TAS2R1: variants seen among roughly 807,000 people sequenced by gnomAD.
The protein encoded by TAS2R1 is taste receptor type 2 member 1.
For missense variants in TAS2R1, 370 were observed against 353.4 expected (o/e 1.05, Z -0.38); for synonymous variants, 141 against 134.2 (o/e 1.05, Z -0.35).
At chr5:9,744,252 A>T in the TAS2R1 span, among the ~76,000 whole-genome samples, 2 of 152,190 alleles carry the variant, frequency 1.3e-5, no homozygotes, top group East Asian at 3.8e-4. Context: ...TTGTTTGTGT[A>T]TACATTTGGA....
chr5:9,707,153 A>C lies in TAS2R1; in HGVS notation c.-242+5019T>G, dbSNP rs576417265. ...CTTAGGCAGAGACAAAATACCCAAA[A>C]CCTCAACAGGAGATGGATTTTTCTG... On this transcript the variant is annotated intron_variant, in intron 1 of 2. Coordinates refer to the TAS2R1 transcript ENST00000506620. Among the ~76,000 whole-genome samples the C allele has an allele frequency of 2.4e-3, 364 of 152,198 alleles. 3 individuals are homozygous for C. Among genetic ancestry groups the C allele is most frequent in the African/African-American group, 8.4e-3 (347 of 41,528 alleles).
the TAS2R1 span, among the ~76,000 whole-genome samples, chr5:9,838,421 C>A: frequency 3.3e-5 from 5 of 152,182 alleles, no homozygotes; most frequent in Admixed American, 3.3e-4. Context: ...GACACCCAAT[C>A]TGAACATCTG....
chr5:9,898,762 A>T, the TAS2R1 span, among the ~76,000 whole-genome samples: 2 of 152,340 alleles, frequency 1.3e-5, no homozygotes, highest in Admixed American at 6.5e-5. Context: ...GAGAACATGT[A>T]GCAGCTGGGC....
At chr5:9,637,544 T>A (rs1290338515) in intron 2 of TAS2R1, among the ~76,000 whole-genome samples, 1 of 152,194 alleles carries the variant, frequency 6.6e-6, no homozygotes, top group African/African-American at 2.4e-5. Flanking sequence ...AGATATCTCT[T>A]CTTCCTCAGA....
the TAS2R1 span, among the ~76,000 whole-genome samples, chr5:9,898,478 G>A: frequency 3.3e-5 from 5 of 152,184 alleles, no homozygotes; most frequent in African/African-American, 9.7e-5. Context: ...CTCTAGTTAT[G>A]AGAAAGAACA....
the TAS2R1 span, among the ~76,000 whole-genome samples, chr5:9,773,360 G>C: frequency 6.6e-6 from 1 of 151,960 alleles, no homozygotes; most frequent in Admixed American, 6.5e-5. Flanking sequence ...TACACTTACT[G>C]TATGTAACGT....
At chr5:9,677,095 G>T (rs1230265986) in intron 1 of TAS2R1, among the ~76,000 whole-genome samples, 2 of 152,202 alleles carry the variant, frequency 1.3e-5, no homozygotes, top group Non-Finnish European at 2.9e-5. Flanking sequence ...ATGAGATCAT[G>T]TACTTTGTGG....
At chr5:9,776,284 A>T in the TAS2R1 span, among the ~76,000 whole-genome samples, 1 of 152,144 alleles carries the variant, frequency 6.6e-6, no homozygotes, top group Non-Finnish European at 1.5e-5. Flanking sequence ...AAGTGCATGG[A>T]TTCTCTCTCC....
At chr5:9,727,828 A>G in the TAS2R1 span, among the ~76,000 whole-genome samples, 1 of 152,212 alleles carries the variant, frequency 6.6e-6, no homozygotes, top group Non-Finnish European at 1.5e-5. Context: ...CCAGGGCCCC[A>G]GTGAGGTGCA....
At chr5:9,738,658 C>T in the TAS2R1 span, among the ~76,000 whole-genome samples, 2 of 152,112 alleles carry the variant, frequency 1.3e-5, no homozygotes, top group Admixed American at 6.5e-5. Flanking sequence ...ATTCATGCTA[C>T]GGTAGTGATG....
At chr5:9,900,782 G>A in the TAS2R1 span, among the ~76,000 whole-genome samples, 32 of 151,938 alleles carry the variant, frequency 2.1e-4, no homozygotes, top group Admixed American at 5.9e-4. Flanking sequence ...CACCATGCCC[G>A]GCTAATTTTT....
chr5:9,635,594 ATTT>A (rs541071696), intron 2 of TAS2R1, among the ~76,000 whole-genome samples: 19 of 141,960 alleles, frequency 1.3e-4, no homozygotes, highest in Admixed American at 5.6e-4. Context: ...TTTTGTTGTG[ATTT>A]TTTTTTTTTA....
At chr5:9,634,844 TG>T (rs762341175), upstream of TAS2R1, among the ~76,000 whole-genome samples, 1 of 152,034 alleles carries the variant, frequency 6.6e-6, no homozygotes, top group Non-Finnish European at 1.5e-5. Context: ...GGAGCTTTTT[TG>T]ATATGTCTTT....
chr5:9,744,696 C>G, the TAS2R1 span, among the ~76,000 whole-genome samples: 1 of 152,114 alleles, frequency 6.6e-6, no homozygotes, highest in Non-Finnish European at 1.5e-5. Flanking sequence ...ACATCCACAT[C>G]CTAATCCCTG....
the TAS2R1 span, among the ~76,000 whole-genome samples, chr5:9,890,701 T>A: frequency 6.6e-6 from 1 of 152,244 alleles, no homozygotes; most frequent in East Asian, 1.9e-4. Context: ...TAATCATTTT[T>A]AGTGGGCCTC....
the TAS2R1 span, among the ~76,000 whole-genome samples, chr5:9,738,562 G>A: frequency 3.3e-5 from 5 of 152,120 alleles, no homozygotes; most frequent in Non-Finnish European, 5.9e-5. Flanking sequence ...CCAACCTAGC[G>A]ATGATTATTA....
At chr5:9,829,029 G>T in the TAS2R1 span, among the ~76,000 whole-genome samples, 4 of 152,166 alleles carry the variant, frequency 2.6e-5, no homozygotes, top group Non-Finnish European at 4.4e-5. Flanking sequence ...GAATACAGAG[G>T]AAATGGGCTC....
At chr5:9,894,546 CA>C in the TAS2R1 span, among the ~76,000 whole-genome samples, 4 of 152,308 alleles carry the variant, frequency 2.6e-5, no homozygotes, top group Admixed American at 1.3e-4. Flanking sequence ...CAGAAAAAAC[CA>C]AACCTGCAGA....
At chr5:9,647,548 A>G (rs1740215585) in intron 2 of TAS2R1, among the ~76,000 whole-genome samples, 1 of 152,068 alleles carries the variant, frequency 6.6e-6, no homozygotes, top group Non-Finnish European at 1.5e-5. Context: ...AGTAAAAAAC[A>G]TTTAGCAATG....
Sources: gnomAD v4.1 joint callset for allele counts (sites outside exome capture counted in the v4.1 genomes callset) on GRCh38, gnomAD v4.1.1 for gene constraint, MANE v1.5 for transcripts, NCBI Gene and HGNC (gene_info 2026-07-23, HGNC 2026-07-21) for gene names.